Variants in SBNO2 observed in about 807,000 individuals in gnomAD.
SBNO2 encodes the protein strawberry notch homolog 2.
SBNO2 carries 89 observed loss-of-function variants against 146.3 expected under a neutral mutation model. That is an observed-to-expected ratio of 0.61 (90% CI 0.51 to 0.73). The LOEUF is 0.73. Among genes scored for constraint, SBNO2 ranks in the 30% least tolerant of loss-of-function variants. The pLI is 0.00. For synonymous variants in SBNO2, 1,147 were observed against 892.6 expected (o/e 1.29, Z -5.08); for missense variants, 2,092 against 2,003.7 (o/e 1.04, Z -0.84).
At position 1,112,337 on chromosome 19, in the gene SBNO2, G is replaced by C. The variant is rs773668737; in HGVS notation, c.2516-36C>G. 1.9e-6 allele frequency: 3 copies of C among 1,565,868 alleles called. No homozygotes were observed. The highest frequency in any genetic ancestry group is 1.3e-5 in the African/African-American group (1 of 74,094). On this transcript the variant is annotated intron_variant, in intron 21 of 31. Coordinates refer to ENST00000361757, the MANE Select transcript of SBNO2 (RefSeq NM_014963.3). The surrounding 1 kb of genome is among the most constrained non-coding windows in gnomAD (Gnocchi z 5.9). Reference sequence around the variant, plus strand: ...AGCTGCTCTCAGGGCCCGGCCAGGCGGGGGCGGGGCCGAGACCATGTTGGG... The same window carrying C: ...AGCTGCTCTCAGGGCCCGGCCAGGCCGGGGCGGGGCCGAGACCATGTTGGG...
chr19:1,126,306 C>T lies in SBNO2; in HGVS notation c.441+1298G>A, dbSNP rs1181879540. Among the ~76,000 whole-genome samples, 6 of 152,026 alleles carry T rather than the reference C, an allele frequency of 3.9e-5. No homozygotes were observed. The highest frequency in any genetic ancestry group is 2.1e-4 in the South Asian group (1 of 4,818). ...AGTTAACAAAACACAAAAAAACAGA[C>T]GCCACGCAGGTTCCTGGAAGGCTGA... On this transcript the variant is annotated intron_variant, in intron 5 of 31. Coordinates refer to ENST00000361757, the MANE Select transcript of SBNO2 (RefSeq NM_014963.3). The surrounding 1 kb of genome is among the most constrained non-coding windows in gnomAD (Gnocchi z 4.4).
chr19:1,120,192 C>T (rs2079883778), intron 11 of SBNO2, 169 bp from the exon 12 acceptor site: 7 of 520,194 alleles, frequency 1.3e-5, no homozygotes, highest in South Asian at 2.0e-5. Context: ...CCATGGGGGG[C>T]GGGCGGGCAG....
intron 16 of SBNO2, among the ~76,000 whole-genome samples, chr19:1,116,360 T>C (rs1181726183): frequency 7.5e-6 from 1 of 133,724 alleles, no homozygotes; most frequent in Non-Finnish European, 1.6e-5. Flanking sequence ...GATATGATGA[T>C]GGCTCCCAGG....
At chr19:1,130,561 G>A (rs1217089646) in intron 4 of SBNO2, among the ~76,000 whole-genome samples, 2 of 151,994 alleles carry the variant, frequency 1.3e-5, no homozygotes, top group South Asian at 4.1e-4. Flanking sequence ...TAGAGCCAAG[G>A]TGAAAGAATC....
chr19:1,149,461 A>G lies in SBNO2; in HGVS notation c.94-19T>C, dbSNP rs372903556. The G allele has an allele frequency of 4.5e-6, 7 of 1,549,556 alleles. No homozygotes were observed. Among genetic ancestry groups the G allele is most frequent in the Non-Finnish European group, 6.1e-6 (7 of 1,146,132 alleles). Reference sequence around the variant, plus strand: ...TGGCGCTCTAGAAGAGACAGCGGGCATCAGTGAGTGGGAAGCAGAGGACCT... The same window carrying G: ...TGGCGCTCTAGAAGAGACAGCGGGCGTCAGTGAGTGGGAAGCAGAGGACCT... On this transcript the variant is annotated intron_variant, in intron 2 of 31. Transcript: ENST00000361757.
intron 1 of SBNO2, chr19:1,155,072 C>T (rs1345525613): frequency 6.6e-6 from 1 of 152,280 alleles, no homozygotes; most frequent in Non-Finnish European, 1.5e-5. Flanking sequence ...GGCTGAGCCC[C>T]CACCAGGCCC....
At chr19:1,132,339 C>G (rs551054380) in intron 4 of SBNO2, 5 of 1,263,464 alleles carry the variant, frequency 4.0e-6, no homozygotes, top group Non-Finnish European at 5.0e-6. Flanking sequence ...GGAAATGATG[C>G]CGGCCCCGTA....
rs545598914 is a variant in SBNO2 at position 1,109,769 on chromosome 19, G to C, written c.3037C>G (p.Pro1013Ala). Residue 1013 changes from proline (P) to alanine (A), a missense_variant, in exon 27 of 32, where the codon CCC (proline) becomes GCC (alanine). Transcript: ENST00000361757. The surrounding 1 kb of genome is among the most constrained non-coding windows in gnomAD (Gnocchi z 4.2). The stretch of plus-strand genomic sequence containing the variant: ...TCCTCGTAGATCTCCTCGATACCGG[G>C]AGCAAGGTCTAGGGGGGCGGGTGGA... Reference protein sequence around the residue: ...KYDMGILDLAPGIEEIYEESQ... With the variant: ...KYDMGILDLAAGIEEIYEESQ... 1.9e-6 allele frequency: 3 copies of C among 1,555,714 alleles called. No individual in the cohort carries two copies. Among genetic ancestry groups the C allele is most frequent in the Non-Finnish European group, 1.7e-6 (2 of 1,146,008 alleles).
At chr19:1,114,165 GTGGCTGC>G in intron 18 of SBNO2, 59 bp downstream of exon 18, 1 of 1,335,700 alleles carries the variant, frequency 7.5e-7, no homozygotes, top group Non-Finnish European at 9.8e-7. Context: ...TGACCCAGAG[GTGGCTGC>G]TCAGCCTGGA....
intron 1 of SBNO2, among the ~76,000 whole-genome samples, chr19:1,171,563 G>T (rs2080477877): frequency 6.6e-6 from 1 of 152,304 alleles, no homozygotes; most frequent in East Asian, 1.9e-4. Context: ...CCCCTGGGAG[G>T]GGGCCTCTGG....
rs1319692333 is a variant in SBNO2 at position 1,113,519 on chromosome 19, G to A, written c.2247+16C>T. 6.3e-7 allele frequency: 1 copy of A among 1,581,416 alleles called. No homozygotes were observed. The highest frequency in any genetic ancestry group is 8.6e-7 in the Non-Finnish European group (1 of 1,166,252). On this transcript the variant is annotated intron_variant, in intron 19 of 31. Coordinates refer to ENST00000361757, the MANE Select transcript of SBNO2 (RefSeq NM_014963.3). Reference sequence around the variant, plus strand: ...ATGCCCCGCCCACCACACTCCAGCTGCCACGTCCCACCCACCTCCGCCACC... The same window carrying A: ...ATGCCCCGCCCACCACACTCCAGCTACCACGTCCCACCCACCTCCGCCACC...
chr19:1,122,133 G>C lies in SBNO2; in HGVS notation c.1149+6C>G. The C allele has an allele frequency of 7.1e-7, 1 of 1,414,052 alleles. No individual in the cohort carries two copies. Among genetic ancestry groups the C allele is most frequent in the South Asian group, 1.6e-5 (1 of 64,386 alleles). The allele number at this position is 1,414,052 out of a possible 1,614,324, so 87.6% of individuals were successfully genotyped here. A position where few individuals can be genotyped will look rare whatever the true frequency, so the allele number is the denominator to read the frequency against. Reference sequence around the variant, plus strand: ...CCTCCCCTCCCGATTGCCCCCAGCAGGATACGACGCCCTCGAAGGCCTCCC... The same window carrying C: ...CCTCCCCTCCCGATTGCCCCCAGCACGATACGACGCCCTCGAAGGCCTCCC... On this transcript the variant is annotated splice_donor_region_variant and intron_variant, in intron 11 of 31. Coordinates refer to ENST00000361757, the MANE Select transcript of SBNO2 (RefSeq NM_014963.3).
intron 1 of SBNO2, among the ~76,000 whole-genome samples, chr19:1,159,771 G>T (rs2080327008): frequency 8.5e-6 from 1 of 118,268 alleles, no homozygotes; most frequent in African/African-American, 3.2e-5. Flanking sequence ...GGGGACAGCG[G>T]GGGGCAGTGG....
At chr19:1,170,561 C>T (rs2080467668) in intron 1 of SBNO2, among the ~76,000 whole-genome samples, 8 of 152,184 alleles carry the variant, frequency 5.3e-5, no homozygotes, top group Admixed American at 5.2e-4. Flanking sequence ...GACCACACAG[C>T]CCTCGGCTGT....
At chr19:1,171,007 C>T (rs993989440) in intron 1 of SBNO2, among the ~76,000 whole-genome samples, 1 of 151,820 alleles carries the variant, frequency 6.6e-6, no homozygotes, top group Non-Finnish European at 1.5e-5. Flanking sequence ...CACACAGGCA[C>T]GGGCAACACA....
rs1439402457 is a variant in SBNO2, at chr19:1,109,517, G to C, written c.3205C>G (p.Leu1069Val). Reference sequence around the variant, plus strand: ...CCGCCCGACCCCACCTTGTAGGAGAGGTAGAAGCCGTCATAGGGGCCCGTC... The same window carrying C: ...CCGCCCGACCCCACCTTGTAGGAGACGTAGAAGCCGTCATAGGGGCCCGTC... ...ALTGPYDGFY[L>V]SYKVRGNKPS... Residue 1069 changes from leucine to valine, a missense_variant, in exon 28 of 32, where the codon CTC (leucine) becomes GTC (valine). By Grantham distance (32) the Leu-to-Val change is conservative (BLOSUM62 1). Transcript: ENST00000361757. The surrounding 1 kb of genome is among the most constrained non-coding windows in gnomAD (Gnocchi z 4.2). 8 of 1,598,890 alleles carry C rather than the reference G, an allele frequency of 5.0e-6. No individual in the cohort carries two copies. The highest frequency in any genetic ancestry group is 2.3e-5 in the East Asian group (1 of 44,208).
intron 23 of SBNO2, 58 bp downstream of exon 23, chr19:1,111,937 CG>C (rs2079766614): frequency 2.8e-6 from 4 of 1,449,604 alleles, no homozygotes; most frequent in Admixed American, 2.0e-5. Flanking sequence ...CTCTTAGATC[CG>C]GCCCTCCCTA....
Position 1,108,439 on chromosome 19 carries a change from G to A in SBNO2, c.3882C>T (p.Pro1294=). 2.4e-6 allele frequency: 3 copies of A among 1,248,778 alleles called. No individual in the cohort carries two copies. Among genetic ancestry groups the A allele is most frequent in the Admixed American group, 9.1e-5 (2 of 21,988 alleles). The allele number at this position is 1,248,778 out of a possible 1,614,324, so 77.4% of individuals were successfully genotyped here. Residue 1294 remains proline (P), a synonymous_variant, in exon 32 of 32, where the codon CCC becomes CCT. Transcript: ENST00000361757. The stretch of plus-strand genomic sequence containing the variant: ...GGGCCGCAGGGTCGGCCTGGGCGTC[G>A]GGGGTGCCCAGCGGCACGACGCCGG... The part of the protein sequence containing the change: ...AGPGVVPLGT[P]DAQADPAALA...
At chr19:1,149,513 G>T in intron 2 of SBNO2, 71 bp from the exon 3 acceptor site, 3 of 1,432,634 alleles carry the variant, frequency 2.1e-6, no homozygotes, top group Non-Finnish European at 2.9e-6. Context: ...AAGCCCTCCG[G>T]GCAGGGTGAC....
Sources: allele counts gnomAD v4.1 joint callset (sites outside exome capture counted in the v4.1 genomes callset), GRCh38; gene constraint gnomAD v4.1.1; non-coding constraint Gnocchi (gnomAD v3.1); transcripts MANE v1.5; gene names NCBI Gene and HGNC (gene_info 2026-07-23, HGNC 2026-07-21).